CTNNA2: variants seen among roughly 807,000 people sequenced by gnomAD.
CTNNA2 encodes the protein catenin alpha 2.
CTNNA2 carries 42 observed loss-of-function variants against 101.0 expected under a neutral mutation model. That is an observed-to-expected ratio of 0.42 (90% CI 0.32 to 0.54). The LOEUF (loss-of-function observed/expected upper bound fraction) is 0.54. Ranked by LOEUF, CTNNA2 falls within the 20% of genes least tolerant of loss-of-function variation. The probability of loss-of-function intolerance (pLI) is 0.14; values close to 1 mark genes in which losing one functional copy is unlikely to be tolerated. For missense variants in CTNNA2, 871 were observed against 1,223.1 expected, an observed-to-expected ratio of 0.71 and a Z score of 4.29; for synonymous variants, 450 against 456.4, an observed-to-expected ratio of 0.99 and a Z score of 0.18.
At chr2:80,267,657 C>G (rs1277049573) in intron 7 of CTNNA2, among the ~76,000 whole-genome samples, 2 of 152,128 alleles carry the variant, frequency 1.3e-5, no homozygotes, top group Non-Finnish European at 2.9e-5. Context: ...AAAAGGGTTC[C>G]TGGGCTGGTC....
chr2:79,910,228 T>G (rs2104325735), intron 7 of CTNNA2, among the ~76,000 whole-genome samples: 1 of 152,330 alleles, frequency 6.6e-6, no homozygotes, highest in Middle Eastern at 3.4e-3. Flanking sequence ...ATAAATCTAC[T>G]AGGTTTAAAA....
intron 3 of CTNNA2, among the ~76,000 whole-genome samples, chr2:79,846,077 G>T (rs775976952): frequency 7.2e-5 from 11 of 152,156 alleles, no homozygotes; most frequent in Non-Finnish European, 1.2e-4. Flanking sequence ...AGCCAGTGAG[G>T]AAAATCAGTT....
At chr2:79,440,665 T>G (rs964832864) in intron 4 of CTNNA2, among the ~76,000 whole-genome samples, 3 of 152,132 alleles carry the variant, frequency 2.0e-5, no homozygotes, top group Non-Finnish European at 4.4e-5. Flanking sequence ...GACATGCACT[T>G]CATTAACCCA....
intron 7 of CTNNA2, among the ~76,000 whole-genome samples, chr2:80,037,379 A>G (rs1395923116): frequency 1.3e-5 from 2 of 152,196 alleles, no homozygotes; most frequent in Non-Finnish European, 2.9e-5. Context: ...ACTACTGCAA[A>G]AAAAATGATC....
intron 7 of CTNNA2, among the ~76,000 whole-genome samples, chr2:80,115,812 G>A (rs2148868715): frequency 6.6e-6 from 1 of 152,136 alleles, no homozygotes. Flanking sequence ...AAAAGATGAG[G>A]GCAATTATAA....
At chr2:79,409,909 A>G (rs75589466) in intron 4 of CTNNA2, among the ~76,000 whole-genome samples, 22 of 151,938 alleles carry the variant, frequency 1.4e-4, no homozygotes, top group Non-Finnish European at 2.9e-5. Context: ...CCATTGTCAC[A>G]ATATTGATTC....
intron 1 of CTNNA2, among the ~76,000 whole-genome samples, chr2:79,594,710 G>A (rs1452080867): frequency 6.6e-6 from 1 of 151,680 alleles, no homozygotes; most frequent in East Asian, 1.9e-4. Context: ...GTTTCTTTCT[G>A]CCTCTAGCCT....
intron 9 of CTNNA2, among the ~76,000 whole-genome samples, chr2:80,539,190 C>T (rs1691310988): frequency 6.6e-6 from 1 of 152,068 alleles, no homozygotes; most frequent in South Asian, 2.1e-4. Flanking sequence ...AATATTGTCA[C>T]TCTGCTTTTG....
intron 7 of CTNNA2, chr2:80,313,336 T>C (rs115629300): frequency 3.7e-5 from 48 of 1,313,186 alleles, no homozygotes; most frequent in Non-Finnish European, 4.5e-5. Context: ...GCTATTCTTG[T>C]TTTTGTTCAT....
At chr2:80,223,062 A>G (rs1708663499) in intron 7 of CTNNA2, among the ~76,000 whole-genome samples, 1 of 152,092 alleles carries the variant, frequency 6.6e-6, no homozygotes, top group African/African-American at 2.4e-5. Context: ...GTTTTTTTAC[A>G]TCCTAGGTTT....
intron 3 of CTNNA2, among the ~76,000 whole-genome samples, chr2:79,770,777 G>T (rs1391312997): frequency 6.6e-6 from 1 of 152,172 alleles, no homozygotes; most frequent in Non-Finnish European, 1.5e-5. Flanking sequence ...TGAGACTGGA[G>T]CACCTTGGAG....
chr2:80,609,387 C>G (rs1311040195), intron 17 of CTNNA2, among the ~76,000 whole-genome samples: 2 of 151,758 alleles, frequency 1.3e-5, no homozygotes, highest in African/African-American at 4.8e-5. Flanking sequence ...ATCTGGCTTG[C>G]ATAGAGACAC....
intron 7 of CTNNA2, among the ~76,000 whole-genome samples, chr2:79,926,010 C>T (rs903851093): frequency 3.3e-5 from 5 of 152,082 alleles, no homozygotes; most frequent in Non-Finnish European, 5.9e-5. Flanking sequence ...AAGCCCAGCT[C>T]TTTGCAGATA....
intron 9 of CTNNA2, among the ~76,000 whole-genome samples, chr2:80,523,914 C>A (rs1689797371): frequency 6.6e-6 from 1 of 152,128 alleles, no homozygotes; most frequent in South Asian, 2.1e-4. Flanking sequence ...TTGAGGAAGG[C>A]TTCCTAGATG....
At chr2:80,174,022 A>C (rs2148967478) in intron 7 of CTNNA2, among the ~76,000 whole-genome samples, 1 of 152,334 alleles carries the variant, frequency 6.6e-6, no homozygotes. Context: ...TTGCACAACA[A>C]GTAATTAAGG....
chr2:79,753,926 C>T (rs577683914), intron 3 of CTNNA2, among the ~76,000 whole-genome samples: 27 of 142,450 alleles, frequency 1.9e-4, no homozygotes, highest in Non-Finnish European at 3.5e-4. Context: ...TGGAGTGCAG[C>T]GGCGTCATCT....
intron 4 of CTNNA2, among the ~76,000 whole-genome samples, chr2:79,382,839 T>C (rs1008542445): frequency 3.3e-5 from 5 of 152,094 alleles, no homozygotes; most frequent in African/African-American, 1.2e-4. Context: ...TGGTCTCGAT[T>C]TCCTGACTTC....
At chr2:79,942,800 T>G (rs1688245245) in intron 7 of CTNNA2, among the ~76,000 whole-genome samples, 1 of 152,050 alleles carries the variant, frequency 6.6e-6, no homozygotes, top group African/African-American at 2.4e-5. Flanking sequence ...ATCCTATCCT[T>G]GCATGCAGGA....
chr2:80,164,257 T>C (rs529775555), intron 7 of CTNNA2, among the ~76,000 whole-genome samples: 1 of 152,154 alleles, frequency 6.6e-6, no homozygotes, highest in South Asian at 2.1e-4. Context: ...TTCCTATGTA[T>C]TACTTGATCA....
Sources: allele counts gnomAD v4.1 joint callset (sites outside exome capture counted in the v4.1 genomes callset), GRCh38; gene constraint gnomAD v4.1.1; transcripts MANE v1.5; gene names NCBI Gene and HGNC (gene_info 2026-07-23, HGNC 2026-07-21).